MPDZ: variants seen among roughly 807,000 people sequenced by gnomAD.
MPDZ encodes the protein multiple PDZ domain crumbs cell polarity complex component.
In MPDZ, 234 loss-of-function variants were observed where a neutral mutation model predicts 239.1. That is an observed-to-expected ratio of 0.98 (90% CI 0.88 to 1.09). The LOEUF (loss-of-function observed/expected upper bound fraction) is 1.09, where lower values mean the gene tolerates loss of function less well. MPDZ is among the 50% of genes least tolerant of loss of function. MPDZ has a pLI of 0.00. For missense variants in MPDZ, 3,175 were observed against 2,510.0 expected, an observed-to-expected ratio of 1.26 and a Z score of -5.66; for synonymous variants, 1,048 against 881.3, an observed-to-expected ratio of 1.19 and a Z score of -3.35.
At chr9:13,192,850 T>C (rs1318346654) in intron 14 of MPDZ, among the ~76,000 whole-genome samples, 2 of 152,194 alleles carry the variant, frequency 1.3e-5, no homozygotes, top group South Asian at 4.1e-4. Flanking sequence ...TCTTTATCTT[T>C]GTATTCTCTG....
rs770834554 is a variant in MPDZ, at chr9:13,176,117, C to T, written c.2931+19G>A. 3.9e-6 allele frequency: 6 copies of T among 1,554,640 alleles called. No homozygotes were observed. The South Asian group carries it at 4.9e-5, about 13-fold the overall frequency. On this transcript the variant is annotated intron_variant, in intron 20 of 46. Coordinates refer to ENST00000319217, the MANE Select transcript of MPDZ (RefSeq NM_001378778.1). ...CCCTATCTCATCATAAAACACAAACCATATCTTTAAAATATTACCTTTCCA... is the reference window on the plus strand; with the variant it reads ...CCCTATCTCATCATAAAACACAAACTATATCTTTAAAATATTACCTTTCCA...
chr9:13,256,217 G>C (rs1287057549), intron 1 of MPDZ, among the ~76,000 whole-genome samples: 1 of 152,176 alleles, frequency 6.6e-6, no homozygotes. Context: ...AAGAGAGTTA[G>C]GGTTTTGCTC....
intron 27 of MPDZ, among the ~76,000 whole-genome samples, chr9:13,142,322 G>A (rs984040544): frequency 6.6e-6 from 1 of 152,026 alleles, no homozygotes. Flanking sequence ...TCAAAATGGT[G>A]CCCTAACCTA....
chr9:13,219,454 C>A, intron 8 of MPDZ, 105 bp downstream of exon 8: 1 of 938,340 alleles, frequency 1.1e-6, no homozygotes, highest in East Asian at 2.6e-5. Context: ...CATTCTTTAG[C>A]ACTAATATAG....
At chr9:13,135,976 G>T in intron 31 of MPDZ, 116 bp downstream of exon 31, 1 of 685,770 alleles carries the variant, frequency 1.5e-6, no homozygotes, top group Non-Finnish European at 2.5e-6. Context: ...GAAGGCCAAG[G>T]CTATAACTTA....
intron 30 of MPDZ, 91 bp from the exon 31 acceptor site, chr9:13,136,273 A>T: frequency 1.5e-6 from 1 of 666,934 alleles, no homozygotes. Context: ...AGAGAAAATT[A>T]TTTAACCCCC....
At chr9:13,208,256 C>A (rs200196719) in intron 10 of MPDZ, among the ~76,000 whole-genome samples, 1 of 152,078 alleles carries the variant, frequency 6.6e-6, no homozygotes, top group East Asian at 1.9e-4. Flanking sequence ...CCAGCCTGGG[C>A]AACATGCTGA....
intron 3 of MPDZ, among the ~76,000 whole-genome samples, chr9:13,237,991 A>AAG (rs1964507451): frequency 6.6e-6 from 1 of 152,184 alleles, no homozygotes. Context: ...TGAAATACTT[A>AAG]TTGATTTGGT....
At chr9:13,163,821 A>T (rs1221677792) in intron 22 of MPDZ, among the ~76,000 whole-genome samples, 1 of 152,126 alleles carries the variant, frequency 6.6e-6, no homozygotes, top group African/African-American at 2.4e-5. Flanking sequence ...AATAAAATAA[A>T]AATTTATACC....
intron 13 of MPDZ, 87 bp downstream of exon 13, chr9:13,196,034 C>A: frequency 1.2e-6 from 1 of 818,286 alleles, no homozygotes; most frequent in Non-Finnish European, 1.9e-6. Context: ...TTCTCTGGAA[C>A]TCTAATGATT....
At chr9:13,211,663 C>CA (rs1957633284) in intron 10 of MPDZ, among the ~76,000 whole-genome samples, 1 of 152,022 alleles carries the variant, frequency 6.6e-6, no homozygotes. Context: ...CTGTCTGTAA[C>CA]AACAAACTGT....
intron 42 of MPDZ, 45 bp from the exon 43 acceptor site, chr9:13,112,191 C>T: frequency 6.4e-7 from 1 of 1,551,642 alleles, no homozygotes; most frequent in East Asian, 2.3e-5. Flanking sequence ...TGATATTTTT[C>T]ATTGACCTTT....
At chr9:13,256,612 G>A (rs879403764) in intron 1 of MPDZ, among the ~76,000 whole-genome samples, 8 of 152,170 alleles carry the variant, frequency 5.3e-5, no homozygotes, top group Non-Finnish European at 1.0e-4. Context: ...AAAAGAATGC[G>A]AACGGCCCGT....
intron 22 of MPDZ, among the ~76,000 whole-genome samples, chr9:13,163,864 T>G (rs1950748062): frequency 6.6e-6 from 1 of 152,296 alleles, no homozygotes; most frequent in African/African-American, 2.4e-5. Flanking sequence ...GGAGTATACA[T>G]AATTTCAAAT....
chr9:13,243,363 CTT>C (rs74311424), intron 3 of MPDZ, among the ~76,000 whole-genome samples: 32 of 141,448 alleles, frequency 2.3e-4, no homozygotes, highest in East Asian at 2.1e-4. Flanking sequence ...AGTTCTATCT[CTT>C]TTTTTTTTTT....
At chr9:13,206,547 C>A (rs1006136983) in intron 10 of MPDZ, among the ~76,000 whole-genome samples, 1 of 151,744 alleles carries the variant, frequency 6.6e-6, no homozygotes, top group East Asian at 2.0e-4. Flanking sequence ...CACCACCACA[C>A]GTGGCTATTT....
At chr9:13,148,085 A>G (rs7042769) in intron 25 of MPDZ, among the ~76,000 whole-genome samples, 2,812 of 152,118 alleles carry the variant, frequency 0.018, 90 homozygotes, top group South Asian at 0.096. Context: ...TGCCTTGTAT[A>G]ATTTTCTCTG....
chr9:13,121,679 A>G, intron 38 of MPDZ, 60 bp downstream of exon 38: 1 of 1,557,560 alleles, frequency 6.4e-7, no homozygotes, highest in Non-Finnish European at 8.9e-7. Flanking sequence ...ATTACTCTTT[A>G]AAATGATTTA....
At position 13,247,783 on chromosome 9, in the gene MPDZ, T is replaced by A. The variant is rs753480520; in HGVS notation, c.35A>T (p.His12Leu). Residue 12 changes from histidine (H) to leucine (L), a missense_variant, in exon 3 of 47, where the codon CAT (histidine) becomes CTT (leucine). Coordinates refer to ENST00000319217, the MANE Select transcript of MPDZ (RefSeq NM_001378778.1). ...LEAIDKNRAL[H>L]AAERLQTKLR... ...CTTGGTTTGCAAGCGCTCTGCTGCA[T>A]GCAGGGCCCGATTTTTGTCTATACC... 1.2e-6 allele frequency: 2 copies of A among 1,607,714 alleles called. No homozygotes were observed. Among genetic ancestry groups the A allele is most frequent in the Admixed American group, 1.7e-5 (1 of 59,896 alleles).
Sources: gnomAD v4.1 joint callset for allele counts (sites outside exome capture counted in the v4.1 genomes callset) on GRCh38, gnomAD v4.1.1 for gene constraint, MANE v1.5 for transcripts, NCBI Gene and HGNC (gene_info 2026-07-23, HGNC 2026-07-21) for gene names.